HPCAL1: variants seen among roughly 807,000 people sequenced by gnomAD.
HPCAL1 encodes hippocalcin like 1.
HPCAL1 carries 8 observed loss-of-function variants against 17.1 expected under a neutral mutation model. The ratio of observed to expected loss-of-function variants is 0.47; its 90% CI spans 0.27 to 0.84. The LOEUF (loss-of-function observed/expected upper bound fraction) is 0.84. Ranked by LOEUF, HPCAL1 falls within the 40% of genes least tolerant of loss-of-function variation. The pLI is 0.13. For missense variants in HPCAL1, 165 were observed against 271.1 expected (o/e 0.61, Z 2.75); for synonymous variants, 112 against 111.4 (o/e 1.01, Z -0.03).
chr2:10,319,232 C>G (rs1663514634), intron 1 of HPCAL1, among the ~76,000 whole-genome samples: 1 of 152,162 alleles, frequency 6.6e-6, no homozygotes, highest in South Asian at 2.1e-4. Flanking sequence ...CTTTTCCATC[C>G]CCCAGTCTGG....
At position 10,419,422 on chromosome 2, in the gene HPCAL1, C is replaced by T. The variant is rs930861498; in HGVS notation, c.-24-312C>T. Among the ~76,000 whole-genome samples the T allele has an allele frequency of 2.0e-5, 3 of 152,172 alleles. No homozygotes were observed. The highest frequency in any genetic ancestry group is 1.3e-4 in the Admixed American group (2 of 15,284). On this transcript the variant is annotated intron_variant, in intron 2 of 4. Transcript: ENST00000307845. This position sits in a 1 kb window ranked among gnomAD's most constrained non-coding sequence, Gnocchi z 5.0. ...AGAACTGATTTTAATCTTCGCCTCT[C>T]GTACAACCCCTGGTGGGCACCGGAT...
At chr2:10,309,208 A>G (rs563643875) in intron 1 of HPCAL1, among the ~76,000 whole-genome samples, 14 of 152,082 alleles carry the variant, frequency 9.2e-5, no homozygotes, top group African/African-American at 3.1e-4. Flanking sequence ...TGATTTTTAA[A>G]TTTTTTGTGG....
intron 2 of HPCAL1, among the ~76,000 whole-genome samples, chr2:10,404,719 T>C (rs1019977707): frequency 2.0e-5 from 3 of 152,186 alleles, no homozygotes; most frequent in Non-Finnish European, 4.4e-5. Context: ...CTGGGCTTCT[T>C]CTGTCCTTTT....
intron 2 of HPCAL1, among the ~76,000 whole-genome samples, chr2:10,409,488 G>A (rs1372788846): frequency 2.6e-5 from 4 of 152,212 alleles, no homozygotes; most frequent in East Asian, 1.9e-4. Context: ...TTATTTGGAG[G>A]AAAGAAGGAC....
chr2:10,318,360 A>G (rs1342210365), intron 1 of HPCAL1, among the ~76,000 whole-genome samples: 1 of 136,006 alleles, frequency 7.4e-6, no homozygotes, highest in Admixed American at 8.1e-5. Flanking sequence ...CTTTGCAGTT[A>G]TTTCAGGAGA....
At chr2:10,387,484 G>A (rs1668392240) in intron 1 of HPCAL1, among the ~76,000 whole-genome samples, 1 of 152,238 alleles carries the variant, frequency 6.6e-6, no homozygotes, top group Non-Finnish European at 1.5e-5. Flanking sequence ...AGCCATCTAG[G>A]TGGGCACAGG....
rs975199100 is a variant in HPCAL1 at position 10,330,835 on chromosome 2, C to T, written c.-111+27658C>T. The stretch of plus-strand genomic sequence containing the variant: ...CAGGGGCTCTCTGTCAGTGTGTCTC[C>T]GACTGCGGACCCCGATCATCTTTGT... On this transcript the variant is annotated intron_variant, in intron 1 of 4. Coordinates refer to ENST00000307845, the MANE Select transcript of HPCAL1 (RefSeq NM_002149.4). The surrounding 1 kb of genome is among the most constrained non-coding windows in gnomAD (Gnocchi z 4.2). Among the ~76,000 whole-genome samples the T allele has an allele frequency of 3.3e-5, 5 of 152,314 alleles. No homozygotes were observed. The highest frequency in any genetic ancestry group is 1.3e-4 in the Admixed American group (2 of 15,300).
chr2:10,311,932 TTCA>T (rs1308071045), intron 1 of HPCAL1, among the ~76,000 whole-genome samples: 1 of 149,498 alleles, frequency 6.7e-6, no homozygotes, highest in Non-Finnish European at 1.5e-5. Flanking sequence ...TTCATCACCA[TTCA>T]TCATCACTGT....
At chr2:10,339,461 T>C (rs59408255) in intron 1 of HPCAL1, among the ~76,000 whole-genome samples, 32,643 of 152,116 alleles carry the variant, frequency 0.21, 4,476 homozygotes, top group African/African-American at 0.39. Context: ...CATGCCACCA[T>C]GCCCGGCTAA....
intron 1 of HPCAL1, among the ~76,000 whole-genome samples, chr2:10,366,891 G>A (rs1666885340): frequency 6.6e-6 from 1 of 152,210 alleles, no homozygotes; most frequent in African/African-American, 2.4e-5. Context: ...GGGCAGCTCT[G>A]AGTGTGTCTC....
chr2:10,383,676 C>CAA (rs79560781), intron 1 of HPCAL1, among the ~76,000 whole-genome samples: 18 of 128,172 alleles, frequency 1.4e-4, no homozygotes, highest in East Asian at 1.0e-3. Flanking sequence ...GACCCTTTCT[C>CAA]AAAAAAAAAA....
intron 2 of HPCAL1, among the ~76,000 whole-genome samples, chr2:10,399,805 C>A (rs1216075193): frequency 6.6e-6 from 1 of 152,130 alleles, no homozygotes; most frequent in East Asian, 1.9e-4. Flanking sequence ...CCCAGCCTCC[C>A]CTACCAGCCT....
chr2:10,335,922 T>C (rs1344363353), intron 1 of HPCAL1, among the ~76,000 whole-genome samples: 1 of 152,282 alleles, frequency 6.6e-6, no homozygotes, highest in African/African-American at 2.4e-5. Context: ...TTTCCTCTGC[T>C]GTAAATTAAT....
intron 1 of HPCAL1, among the ~76,000 whole-genome samples, chr2:10,383,052 C>T (rs1445014003): frequency 6.6e-6 from 1 of 152,218 alleles, no homozygotes; most frequent in Admixed American, 6.5e-5. Flanking sequence ...TCTGCAACCC[C>T]TTACCATTAG....
chr2:10,366,878 C>T (rs994238228), intron 1 of HPCAL1, among the ~76,000 whole-genome samples: 2 of 152,144 alleles, frequency 1.3e-5, no homozygotes, highest in South Asian at 2.1e-4. Context: ...ATGCTGGGGC[C>T]GGGGGCAGCT....
intron 1 of HPCAL1, among the ~76,000 whole-genome samples, chr2:10,319,788 T>C (rs907032456): frequency 1.4e-4 from 21 of 151,876 alleles, no homozygotes; most frequent in African/African-American, 5.1e-4. Flanking sequence ...TATGTGCCAG[T>C]CTCTGTGCTA....
intron 2 of HPCAL1, among the ~76,000 whole-genome samples, chr2:10,399,711 C>T (rs1030402442): frequency 6.6e-5 from 10 of 152,094 alleles, no homozygotes; most frequent in Non-Finnish European, 2.9e-5. Context: ...CCTTCCGCTT[C>T]TCTCTGCCCC....
At chr2:10,375,970 G>A (rs1667530358) in intron 1 of HPCAL1, among the ~76,000 whole-genome samples, 1 of 152,222 alleles carries the variant, frequency 6.6e-6, no homozygotes, top group Non-Finnish European at 1.5e-5. Context: ...GGGTCTGGTG[G>A]GAGTTGATTG....
At chr2:10,374,921 A>C (rs1250875377) in intron 1 of HPCAL1, among the ~76,000 whole-genome samples, 1 of 152,208 alleles carries the variant, frequency 6.6e-6, no homozygotes, top group Non-Finnish European at 1.5e-5. Flanking sequence ...AGGTGCCTTA[A>C]AATACTGACT....
Sources: allele counts gnomAD v4.1 joint callset (sites outside exome capture counted in the v4.1 genomes callset), GRCh38; gene constraint gnomAD v4.1.1; non-coding constraint Gnocchi (gnomAD v3.1); transcripts MANE v1.5; gene names NCBI Gene and HGNC (gene_info 2026-07-23, HGNC 2026-07-21).